Variants in HS6ST3 observed in about 807,000 individuals in gnomAD.
HS6ST3 encodes heparan-sulfate 6-O-sulfotransferase 3.
A neutral mutation model predicts 36.7 loss-of-function variants in HS6ST3; 12 were observed. That is an observed-to-expected ratio of 0.33 (90% CI 0.21 to 0.53). HS6ST3 has a LOEUF of 0.53. Among genes scored for constraint, HS6ST3 ranks in the 20% least tolerant of loss-of-function variants. The probability of loss-of-function intolerance (pLI) is 0.95; values close to 1 mark genes in which losing one functional copy is unlikely to be tolerated. For missense variants in HS6ST3, 584 were observed against 640.9 expected, an observed-to-expected ratio of 0.91 and a Z score of 0.96; for synonymous variants, 240 against 257.5, an observed-to-expected ratio of 0.93 and a Z score of 0.65.
At chr13:96,435,173 T>C (rs2055635522) in intron 1 of HS6ST3, among the ~76,000 whole-genome samples, 1 of 152,214 alleles carries the variant, frequency 6.6e-6, no homozygotes, top group Non-Finnish European at 1.5e-5. Flanking sequence ...CAACAGCTCA[T>C]GTGGTTTCAA....
At chr13:96,346,615 A>G (rs917341816) in intron 1 of HS6ST3, among the ~76,000 whole-genome samples, 2 of 152,110 alleles carry the variant, frequency 1.3e-5, no homozygotes, top group African/African-American at 4.8e-5. Context: ...AAGCCAGAAA[A>G]ACAGGTATAT....
intron 1 of HS6ST3, among the ~76,000 whole-genome samples, chr13:96,553,556 T>C (rs550001614): frequency 6.6e-6 from 1 of 152,266 alleles, no homozygotes; most frequent in South Asian, 2.1e-4. Context: ...GAGCAAGGGA[T>C]AAGGCTGAGG....
chr13:96,124,385 G>T (rs9590362), intron 1 of HS6ST3, among the ~76,000 whole-genome samples: 1 of 152,104 alleles, frequency 6.6e-6, no homozygotes, highest in Non-Finnish European at 1.5e-5. Context: ...TTCTTTGGTG[G>T]ATGGGCCCCA....
chr13:96,334,322 C>T (rs1457163027), intron 1 of HS6ST3, among the ~76,000 whole-genome samples: 1 of 152,066 alleles, frequency 6.6e-6, no homozygotes, highest in Non-Finnish European at 1.5e-5. Context: ...GGCACCTCTT[C>T]CCAACTCAAA....
At chr13:96,533,883 T>C (rs977845979) in intron 1 of HS6ST3, among the ~76,000 whole-genome samples, 2 of 152,188 alleles carry the variant, frequency 1.3e-5, no homozygotes, top group African/African-American at 4.8e-5. Flanking sequence ...CTTTACTTGG[T>C]ATTTGCTTTT....
At chr13:96,136,401 G>A (rs2054001834) in intron 1 of HS6ST3, among the ~76,000 whole-genome samples, 1 of 152,066 alleles carries the variant, frequency 6.6e-6, no homozygotes, top group South Asian at 2.1e-4. Flanking sequence ...GCAAGGCAGA[G>A]CAGGAACAGG....
intron 1 of HS6ST3, among the ~76,000 whole-genome samples, chr13:96,516,996 G>C (rs966624734): frequency 6.6e-6 from 1 of 152,138 alleles, no homozygotes; most frequent in Non-Finnish European, 1.5e-5. Flanking sequence ...TCTTTTTAAG[G>C]CAGTGTTTGA....
chr13:96,547,419 C>T (rs779351297), intron 1 of HS6ST3, among the ~76,000 whole-genome samples: 1 of 152,062 alleles, frequency 6.6e-6, no homozygotes. Context: ...CTGAGAATAG[C>T]CCTACCATCA....
At chr13:96,318,061 C>G (rs1331397444) in intron 1 of HS6ST3, among the ~76,000 whole-genome samples, 1 of 152,044 alleles carries the variant, frequency 6.6e-6, no homozygotes, top group Non-Finnish European at 1.5e-5. Context: ...TAATTAGGTT[C>G]TACTTGTAAA....
At chr13:96,751,128 A>T (rs1197310717) in intron 1 of HS6ST3, among the ~76,000 whole-genome samples, 1 of 152,140 alleles carries the variant, frequency 6.6e-6, no homozygotes, top group Non-Finnish European at 1.5e-5. Context: ...ACATATAGAG[A>T]TATGCTTACT....
At chr13:96,598,415 T>A (rs2138980453) in intron 1 of HS6ST3, among the ~76,000 whole-genome samples, 1 of 152,226 alleles carries the variant, frequency 6.6e-6, no homozygotes, top group Non-Finnish European at 1.5e-5. Context: ...TCCTAGATAT[T>A]TTATTTTTTA....
chr13:96,122,884 T>A (rs983904355), intron 1 of HS6ST3, among the ~76,000 whole-genome samples: 2 of 152,180 alleles, frequency 1.3e-5, no homozygotes, highest in African/African-American at 4.8e-5. Flanking sequence ...ACAGCTTTAG[T>A]GTGCCAGTTA....
chr13:96,622,212 T>C (rs942376636), intron 1 of HS6ST3, among the ~76,000 whole-genome samples: 1 of 148,728 alleles, frequency 6.7e-6, no homozygotes, highest in Non-Finnish European at 1.5e-5. Context: ...CTGATATAAT[T>C]TCAAAAAAAA....
At chr13:96,550,510 A>T (rs1487791656) in intron 1 of HS6ST3, among the ~76,000 whole-genome samples, 1 of 152,212 alleles carries the variant, frequency 6.6e-6, no homozygotes, top group Non-Finnish European at 1.5e-5. Flanking sequence ...ACAGACTAAT[A>T]CATGCTCCCA....
rs1268622178 is a variant in HS6ST3 at position 96,468,479 on chromosome 13, C to CAT, written c.708-364010_708-364009insTA. 5.1e-4 allele frequency among the ~76,000 whole-genome samples: 14 copies of CAT among 27,370 alleles called. No individual in the cohort carries two copies. In the East Asian group the frequency reaches 0.012, roughly 24 times the overall value. The allele number at this position is 27,370 out of a possible 152,430, so 18.0% of individuals were successfully genotyped here. On this transcript the variant is annotated intron_variant, in intron 1 of 1. Coordinates refer to ENST00000376705, the MANE Select transcript of HS6ST3 (RefSeq NM_153456.4). Reference sequence around the variant, plus strand: ...ACATTTAACAGGACATACACACATACACACACACACACACACACACACACA... The same window carrying CAT: ...ACATTTAACAGGACATACACACATACATACACACACACACACACACACACACA...
intron 1 of HS6ST3, among the ~76,000 whole-genome samples, chr13:96,632,168 G>C (rs1036327333): frequency 6.6e-6 from 1 of 152,110 alleles, no homozygotes; most frequent in Non-Finnish European, 1.5e-5. Context: ...GCCCTGTGAG[G>C]ATGCAGCATT....
intron 1 of HS6ST3, among the ~76,000 whole-genome samples, chr13:96,403,068 G>T (rs1051964107): frequency 1.7e-4 from 26 of 152,206 alleles, no homozygotes; most frequent in African/African-American, 6.0e-4. Context: ...CCCCGTCTTT[G>T]TAACTTTTGC....
At chr13:96,291,789 A>G (rs1388530574) in intron 1 of HS6ST3, among the ~76,000 whole-genome samples, 2 of 152,216 alleles carry the variant, frequency 1.3e-5, no homozygotes, top group Admixed American at 1.3e-4. Flanking sequence ...AAGCTTATCT[A>G]GGCAGGATTC....
At chr13:96,288,154 G>A (rs2054812778) in intron 1 of HS6ST3, among the ~76,000 whole-genome samples, 1 of 149,536 alleles carries the variant, frequency 6.7e-6, no homozygotes, top group South Asian at 2.1e-4. Context: ...GGGTGATTTT[G>A]ATCTACACAT....
Sources: allele counts gnomAD v4.1 joint callset (sites outside exome capture counted in the v4.1 genomes callset), GRCh38; gene constraint gnomAD v4.1.1; transcripts MANE v1.5; gene names NCBI Gene and HGNC (gene_info 2026-07-23, HGNC 2026-07-21).